The following LRP1B variants were observed in gnomAD, a reference collection of about 807,000 sequenced individuals.
The protein encoded by LRP1B is LDL receptor related protein 1B.
In LRP1B, 217 loss-of-function variants were observed where a neutral mutation model predicts 556.6. The ratio of observed to expected loss-of-function variants is 0.39; its 90% CI spans 0.35 to 0.44. The LOEUF (loss-of-function observed/expected upper bound fraction) is 0.44. LRP1B is among the 20% of genes least tolerant of loss of function. The pLI is 1.00. For missense variants in LRP1B, 5,053 were observed against 5,620.8 expected (o/e 0.90, Z 3.23); for synonymous variants, 2,047 against 1,865.8 (o/e 1.10, Z -2.50).
Position 140,702,522 on chromosome 2 carries a change from G to T in LRP1B, c.6055C>A (p.Pro2019Thr). 1 of 1,613,196 alleles carries T rather than the reference G, an allele frequency of 6.2e-7. No homozygotes were observed. Among genetic ancestry groups the T allele is most frequent in the South Asian group, 1.1e-5 (1 of 91,064 alleles). Reference protein sequence around the residue: ...LLFWTEWGQMPCIGKARLDGS... With the variant: ...LLFWTEWGQMTCIGKARLDGS... ...TCCAAGCGAGCCTTTCCAATACAGG[G>T]CATTTGTCCCCATTCAGTCCAGAAC... is the stretch of plus-strand genomic sequence containing the variant. The change falls in exon 38 of 91, where the codon CCC becomes ACC. Residue 2019 changes from proline (P) to threonine (T), a missense_variant. Transcript: ENST00000389484.
intron 52 of LRP1B, among the ~76,000 whole-genome samples, chr2:140,508,806 G>C (rs1006232768): frequency 1.3e-5 from 2 of 152,066 alleles, no homozygotes; most frequent in Non-Finnish European, 2.9e-5. Context: ...TGGTACAAAC[G>C]TGTTAATATG....
intron 7 of LRP1B, among the ~76,000 whole-genome samples, chr2:141,182,188 T>C (rs1479085167): frequency 1.3e-5 from 2 of 151,954 alleles, no homozygotes; most frequent in Non-Finnish European, 2.9e-5. Flanking sequence ...GAGAGTCAAA[T>C]AAGGAATTGG....
At chr2:141,943,707 G>T (rs1228343775) in intron 1 of LRP1B, among the ~76,000 whole-genome samples, 3 of 151,764 alleles carry the variant, frequency 2.0e-5, no homozygotes, top group African/African-American at 7.3e-5. Flanking sequence ...TATAAGCACA[G>T]GTGCAATTTT....
At chr2:140,396,961 C>A (rs1684282649) in intron 66 of LRP1B, among the ~76,000 whole-genome samples, 1 of 152,060 alleles carries the variant, frequency 6.6e-6, no homozygotes, top group South Asian at 2.1e-4. Context: ...GCATCCCATT[C>A]ATTTTACAAG....
intron 70 of LRP1B, 70 bp from the exon 71 acceptor site, chr2:140,370,912 T>C (rs1463282569): frequency 4.6e-6 from 7 of 1,519,748 alleles, no homozygotes; most frequent in African/African-American, 1.4e-5. Flanking sequence ...AAAATAAACA[T>C]GCAGCTTGTA....
intron 2 of LRP1B, among the ~76,000 whole-genome samples, chr2:141,649,605 C>T (rs1689710416): frequency 6.6e-6 from 1 of 152,190 alleles, no homozygotes. Context: ...CTCCATTCTA[C>T]TTCCATAGCT....
chr2:142,017,189 A>T (rs889579935), intron 1 of LRP1B, among the ~76,000 whole-genome samples: 2 of 152,134 alleles, frequency 1.3e-5, no homozygotes, highest in Non-Finnish European at 2.9e-5. Flanking sequence ...AGTCTTAGAA[A>T]CATTGGCACT....
At chr2:141,530,500 A>T (rs1304098279) in intron 2 of LRP1B, among the ~76,000 whole-genome samples, 1 of 151,910 alleles carries the variant, frequency 6.6e-6, no homozygotes, top group Non-Finnish European at 1.5e-5. Context: ...GTTATTGAAT[A>T]TTTCTCATGG....
At chr2:140,465,704 G>A (rs1391811912) in intron 60 of LRP1B, among the ~76,000 whole-genome samples, 2 of 146,542 alleles carry the variant, frequency 1.4e-5, no homozygotes, top group African/African-American at 5.2e-5. Flanking sequence ...CAAGCATGTG[G>A]CACTCATGAC....
At chr2:141,134,575 C>G (rs1046957869) in intron 7 of LRP1B, among the ~76,000 whole-genome samples, 1 of 151,594 alleles carries the variant, frequency 6.6e-6, no homozygotes, top group Non-Finnish European at 1.5e-5. Flanking sequence ...TTATCTGTCC[C>G]TTAATGGGTT....
chr2:140,869,396 G>A (rs1315939709), intron 25 of LRP1B, among the ~76,000 whole-genome samples: 1 of 151,972 alleles, frequency 6.6e-6, no homozygotes, highest in Non-Finnish European at 1.5e-5. Flanking sequence ...ACTCCTGCCT[G>A]CCAAATTAGG....
At chr2:141,300,621 T>C (rs1398656493) in intron 3 of LRP1B, among the ~76,000 whole-genome samples, 2 of 152,100 alleles carry the variant, frequency 1.3e-5, no homozygotes, top group African/African-American at 4.8e-5. Flanking sequence ...GGTGCTATCA[T>C]CCCTAAAGTA....
intron 3 of LRP1B, among the ~76,000 whole-genome samples, chr2:141,285,622 AT>A (rs1277440493): frequency 6.8e-6 from 1 of 146,290 alleles, no homozygotes; most frequent in African/African-American, 2.5e-5. Flanking sequence ...AGGCCGGCTG[AT>A]TTTTTTATTT....
rs996639215 is a variant in LRP1B, at chr2:140,747,295, C to T, written c.5758+21918G>A. Among the ~76,000 whole-genome samples, 4 of 152,162 alleles carry T rather than the reference C, an allele frequency of 2.6e-5. No individual in the cohort carries two copies. In the South Asian group the frequency reaches 8.3e-4, roughly 32 times the overall value. Reference sequence around the variant, plus strand: ...TTTCACTCACCTAGGTGACAAAATTCAAAACAGCTAGGTCTGGAACAGTTA... The same window carrying T: ...TTTCACTCACCTAGGTGACAAAATTTAAAACAGCTAGGTCTGGAACAGTTA... On this transcript the variant is annotated intron_variant, in intron 35 of 90. Transcript: ENST00000389484.
intron 1 of LRP1B, among the ~76,000 whole-genome samples, chr2:141,858,381 T>C (rs777154048): frequency 6.6e-5 from 10 of 152,194 alleles, no homozygotes; most frequent in Non-Finnish European, 1.2e-4. Flanking sequence ...ACAAACCATC[T>C]TTCATTCGCA....
chr2:142,099,832 C>A (rs1706508611), intron 1 of LRP1B, among the ~76,000 whole-genome samples: 1 of 151,798 alleles, frequency 6.6e-6, no homozygotes, highest in African/African-American at 2.4e-5. Flanking sequence ...TTTTAAAATT[C>A]TAAATTTCCC....
intron 7 of LRP1B, among the ~76,000 whole-genome samples, chr2:141,087,888 T>TTTAACG (rs4008681): frequency 1.6e-3 from 6 of 3,856 alleles, no homozygotes; most frequent in Admixed American, 7.5e-3. Context: ...ATGCCTCATT[T>TTTAACG]GTTGTCTCAA....
chr2:141,185,303 T>C (rs1279341878), intron 7 of LRP1B, among the ~76,000 whole-genome samples: 2 of 152,004 alleles, frequency 1.3e-5, no homozygotes, highest in Non-Finnish European at 2.9e-5. Flanking sequence ...CAGCATCAAG[T>C]TCATAACCAT....
intron 2 of LRP1B, among the ~76,000 whole-genome samples, chr2:141,802,947 C>A (rs564632743): frequency 8.5e-5 from 13 of 152,204 alleles, no homozygotes; most frequent in African/African-American, 2.2e-4. Flanking sequence ...AGTACATCGT[C>A]TTTTAAGCCA....
Sources: gnomAD v4.1 joint callset for allele counts (sites outside exome capture counted in the v4.1 genomes callset) on GRCh38, gnomAD v4.1.1 for gene constraint, MANE v1.5 for transcripts, NCBI Gene and HGNC (gene_info 2026-07-23, HGNC 2026-07-21) for gene names.